The following SAMM50 variants were observed in gnomAD, a reference collection of about 807,000 sequenced individuals.
The protein encoded by SAMM50 is SAMM50 sorting and assembly machinery component, also known as sorting and assembly machinery component 50 homolog.
Under a neutral mutation model 66.9 loss-of-function variants are expected in SAMM50, and 47 were observed. The observed-to-expected ratio is 0.70, with a 90% confidence interval of 0.56 to 0.90. SAMM50 has a LOEUF of 0.90. Ranked by LOEUF, SAMM50 falls within the 40% of genes least tolerant of loss-of-function variation. SAMM50 has a pLI of 0.00. For missense variants in SAMM50, 535 were observed against 595.3 expected (o/e 0.90, Z 1.05); for synonymous variants, 191 against 214.1 (o/e 0.89, Z 0.94).
At chr22:43,956,252 C>T (rs1451862317) in intron 1 of SAMM50, among the ~76,000 whole-genome samples, 2 of 152,192 alleles carry the variant, frequency 1.3e-5, no homozygotes, top group Non-Finnish European at 2.9e-5. Context: ...TAATGAGTTA[C>T]TTCTCCAAGG....
At chr22:43,996,241 G>T in intron 14 of SAMM50, 97 bp from the exon 15 acceptor site, 5 of 1,320,620 alleles carry the variant, frequency 3.8e-6, no homozygotes, top group Non-Finnish European at 5.5e-6. Flanking sequence ...AGGAGGAAGC[G>T]GAGGCGGCAC....
At position 43,962,881 on chromosome 22, in the gene SAMM50, A is replaced by ATTTTTTTTT. The variant is rs58022542; in HGVS notation, c.22-380_22-372dup. Reference sequence around the variant, plus strand: ...GATTTGTGCGTGACCCTTTTGGTTAATTTTTTTTTTTTTTTTTTTTTTTTT... The same window carrying ATTTTTTTTT: ...GATTTGTGCGTGACCCTTTTGGTTAATTTTTTTTTTTTTTTTTTTTTTTTTTTTTTTTTT... On this transcript the variant is annotated intron_variant, in intron 1 of 14. Coordinates refer to ENST00000350028, the MANE Select transcript of SAMM50 (RefSeq NM_015380.5). 1.9e-3 allele frequency among the ~76,000 whole-genome samples: 122 copies of ATTTTTTTTT among 65,508 alleles called. 16 individuals carry two copies. The highest frequency in any genetic ancestry group is 0.014 in the Middle Eastern group (1 of 70). The allele number at this position is 65,508 out of a possible 152,430, so 43.0% of individuals were successfully genotyped here.
chr22:43,955,680 C>T, intron 1 of SAMM50, 82 bp downstream of exon 1: 1 of 1,449,052 alleles, frequency 6.9e-7, no homozygotes, highest in Non-Finnish European at 9.4e-7. Flanking sequence ...GCTCTCGTGG[C>T]TGCGCCCAGG....
chr22:43,975,711 T>C (rs1474767327), intron 7 of SAMM50: 1 of 186,948 alleles, frequency 5.3e-6, no homozygotes, highest in East Asian at 1.2e-4. Flanking sequence ...TCATCTTAGG[T>C]GTCTTACCCA....
rs968142560 is a variant in SAMM50 at position 43,992,324 on chromosome 22, G to C, written c.1364+1918G>C. On this transcript the variant is annotated intron_variant, in intron 14 of 14. Transcript: ENST00000350028. ...TACGGTTATTGCTTCAGCGGAATCT[G>C]CTCCTTACACTCTTGCCAGAAGGCC... 2.0e-5 allele frequency among the ~76,000 whole-genome samples: 3 copies of C among 152,366 alleles called. No individual in the cohort carries two copies. In the East Asian group the frequency reaches 5.8e-4, roughly 29 times the overall value.
intron 14 of SAMM50, among the ~76,000 whole-genome samples, chr22:43,995,661 G>A (rs1418478611): frequency 1.3e-5 from 2 of 152,210 alleles, no homozygotes; most frequent in African/African-American, 2.4e-5. Flanking sequence ...CCCCTGAGCC[G>A]GGTCTGGAGT....
intron 12 of SAMM50, among the ~76,000 whole-genome samples, chr22:43,985,716 AG>A (rs2050288774): frequency 6.6e-6 from 1 of 151,936 alleles, no homozygotes; most frequent in African/African-American, 2.4e-5. Context: ...ACATCTGCTG[AG>A]TCAGTGCCGG....
At chr22:43,985,817 G>T (rs1346669557) in intron 12 of SAMM50, among the ~76,000 whole-genome samples, 1 of 151,836 alleles carries the variant, frequency 6.6e-6, no homozygotes, top group Non-Finnish European at 1.5e-5. Flanking sequence ...GCGTCCTTTT[G>T]CATTTCCCCA....
intron 10 of SAMM50, among the ~76,000 whole-genome samples, chr22:43,980,137 CAT>C (rs1179173065): frequency 5.1e-3 from 43 of 8,384 alleles, no homozygotes; most frequent in Non-Finnish European, 5.0e-3. Context: ...CCCACCCACA[CAT>C]CCATCCATCC....
At chr22:43,984,828 CAT>C (rs2050283880) in intron 12 of SAMM50, among the ~76,000 whole-genome samples, 2 of 148,674 alleles carry the variant, frequency 1.3e-5, no homozygotes, top group African/African-American at 5.0e-5. Flanking sequence ...GACGGGGTTT[CAT>C]TATGTTGGCC....
intron 4 of SAMM50, among the ~76,000 whole-genome samples, chr22:43,971,211 T>C (rs1203177598): frequency 2.0e-5 from 3 of 152,206 alleles, no homozygotes; most frequent in Non-Finnish European, 4.4e-5. Context: ...CCTAGAACTG[T>C]TGGACCTGAG....
chr22:43,968,288 A>T (rs1417181658), intron 3 of SAMM50, among the ~76,000 whole-genome samples: 1 of 151,986 alleles, frequency 6.6e-6, no homozygotes, highest in Non-Finnish European at 1.5e-5. Flanking sequence ...TAAAGAAATG[A>T]ATAGAAAATT....
intron 12 of SAMM50, chr22:43,986,430 C>T (rs1603420174): frequency 2.0e-5 from 3 of 152,296 alleles, no homozygotes; most frequent in African/African-American, 7.2e-5. Context: ...CTCATTTATA[C>T]TCCTAGAACC....
At chr22:43,963,711 A>G (rs1178911349) in intron 2 of SAMM50, among the ~76,000 whole-genome samples, 1 of 152,204 alleles carries the variant, frequency 6.6e-6, no homozygotes, top group East Asian at 1.9e-4. Flanking sequence ...ACTCCCAGAA[A>G]AAAGACTGTG....
intron 1 of SAMM50, among the ~76,000 whole-genome samples, chr22:43,960,264 A>G (rs989648498): frequency 6.6e-6 from 1 of 152,240 alleles, no homozygotes; most frequent in African/African-American, 2.4e-5. Context: ...TTCTTTGCCT[A>G]ACATGATCTT....
intron 10 of SAMM50, among the ~76,000 whole-genome samples, chr22:43,978,432 CAAAA>C (rs71313377): frequency 1.4e-5 from 1 of 69,166 alleles, no homozygotes; most frequent in Non-Finnish European, 2.5e-5. Context: ...GACTCCTTCT[CAAAA>C]AAAAAAAAAA....
At chr22:43,977,723 T>G in intron 9 of SAMM50, 149 bp from the exon 10 acceptor site, 1 of 568,522 alleles carries the variant, frequency 1.8e-6, no homozygotes, top group Non-Finnish European at 3.2e-6. Flanking sequence ...TCCGCAACAA[T>G]TAGGATGTGG....
intron 1 of SAMM50, chr22:43,957,246 C>T (rs576765041): frequency 1.2e-5 from 8 of 661,394 alleles, no homozygotes; most frequent in African/African-American, 5.4e-5. Context: ...TAACTCGGGC[C>T]CACAGAAACA....
chr22:43,984,914 G>A (rs907770179), intron 12 of SAMM50, among the ~76,000 whole-genome samples: 1 of 152,028 alleles, frequency 6.6e-6, no homozygotes, highest in African/African-American at 2.4e-5. Flanking sequence ...ACAGATGTGA[G>A]CCACTGCGCC....
Sources: allele counts gnomAD v4.1 joint callset (sites outside exome capture counted in the v4.1 genomes callset), GRCh38; gene constraint gnomAD v4.1.1; transcripts MANE v1.5; gene names NCBI Gene and HGNC (gene_info 2026-07-23, HGNC 2026-07-21).